CCDC102B: variants seen among roughly 807,000 people sequenced by gnomAD.
CCDC102B encodes the protein coiled-coil domain-containing protein 102B.
In CCDC102B, 75 loss-of-function variants were observed where a neutral mutation model predicts 57.4. That is an observed-to-expected ratio of 1.31 (90% CI 1.08 to 1.58). The LOEUF is 1.58. CCDC102B is among the 40% of genes most tolerant of loss of function. The pLI is 0.00. For missense variants in CCDC102B, 636 were observed against 582.6 expected (o/e 1.09, Z -0.94); for synonymous variants, 206 against 201.9 (o/e 1.02, Z -0.17).
At chr18:68,796,176 G>A (rs1220323217), upstream of CCDC102B, among the ~76,000 whole-genome samples, 2 of 152,168 alleles carry the variant, frequency 1.3e-5, no homozygotes, top group Non-Finnish European at 2.9e-5. Flanking sequence ...GAGAGACACT[G>A]CAGTGATCTA....
intron 1 of CCDC102B, among the ~76,000 whole-genome samples, chr18:68,815,443 C>T (rs2036435007): frequency 6.6e-6 from 1 of 152,068 alleles, no homozygotes. Context: ...TGAATGTCTT[C>T]CATGTCCTAG....
intron 5 of CCDC102B, among the ~76,000 whole-genome samples, chr18:68,892,745 A>G (rs1301116042): frequency 6.6e-6 from 1 of 152,234 alleles, no homozygotes; most frequent in East Asian, 1.9e-4. Flanking sequence ...CAAAACAGAC[A>G]TCTAAATAAG....
At position 68,874,208 on chromosome 18, in the gene CCDC102B, G is replaced by GTA. The variant is rs1284304675; in HGVS notation, c.937-460_937-459insAT. On this transcript the variant is annotated intron_variant, in intron 4 of 7. Coordinates refer to ENST00000360242, the MANE Select transcript of CCDC102B (RefSeq NM_024781.3). ...TGTGTGTGTGTGTGTGTGTGTGTGT[G>GTA]TGTGTATATATATATACTTTATTTC... Among the ~76,000 whole-genome samples, 38 of 104,558 alleles carry GTA rather than the reference G, an allele frequency of 3.6e-4. No homozygotes were observed. The East Asian group carries it at 4.1e-3, about 11-fold the overall frequency. The allele number at this position is 104,558 out of a possible 152,430, so 68.6% of individuals were successfully genotyped here.
intron 1 of CCDC102B, among the ~76,000 whole-genome samples, chr18:68,831,097 G>C (rs1300508587): frequency 6.6e-6 from 1 of 151,940 alleles, no homozygotes; most frequent in East Asian, 1.9e-4. Context: ...AAAGCTTATA[G>C]AAAACACAGC....
At chr18:68,785,537 G>A (rs1284655091) in intron 2 of CCDC102B, among the ~76,000 whole-genome samples, 1 of 151,366 alleles carries the variant, frequency 6.6e-6, no homozygotes, top group Admixed American at 6.6e-5. Flanking sequence ...GTGTGAGATG[G>A]TATCTCACTG....
At chr18:68,834,120 G>A (rs1036386462) in intron 1 of CCDC102B, among the ~76,000 whole-genome samples, 5 of 152,014 alleles carry the variant, frequency 3.3e-5, no homozygotes, top group Admixed American at 2.0e-4. Flanking sequence ...CCAAGTTCAA[G>A]GACTGACTGA....
intron 6 of CCDC102B, among the ~76,000 whole-genome samples, chr18:68,968,408 T>C (rs2050215145): frequency 6.6e-6 from 1 of 152,168 alleles, no homozygotes; most frequent in East Asian, 1.9e-4. Context: ...TAAGAAACAT[T>C]ACAAAGAAAT....
chr18:68,957,890 C>T (rs1242169539), intron 6 of CCDC102B, among the ~76,000 whole-genome samples: 1 of 151,982 alleles, frequency 6.6e-6, no homozygotes, highest in African/African-American at 2.4e-5. Context: ...TTACCTTCTA[C>T]ATTTCTTTTT....
intron 7 of CCDC102B, among the ~76,000 whole-genome samples, chr18:69,040,780 T>C (rs962897496): frequency 3.3e-5 from 5 of 152,082 alleles, no homozygotes; most frequent in African/African-American, 1.2e-4. Context: ...TTTTTTAAGA[T>C]TGGTTGCTAT....
intron 7 of CCDC102B, among the ~76,000 whole-genome samples, chr18:69,053,206 G>C (rs932615137): frequency 2.6e-5 from 4 of 151,764 alleles, no homozygotes; most frequent in Admixed American, 6.6e-5. Context: ...CATTACTGTA[G>C]ATGAGTCTTA....
At chr18:68,817,286 G>A (rs1485128867) in intron 1 of CCDC102B, among the ~76,000 whole-genome samples, 17 of 152,308 alleles carry the variant, frequency 1.1e-4, no homozygotes, top group Admixed American at 1.0e-3. Flanking sequence ...AACTCAGTGG[G>A]ACACTTGGGA....
intron 4 of CCDC102B, among the ~76,000 whole-genome samples, chr18:68,858,237 T>C (rs2038572823): frequency 6.6e-6 from 1 of 152,220 alleles, no homozygotes; most frequent in African/African-American, 2.4e-5. Context: ...ACTTTTTTCT[T>C]CTATCTTCTG....
At chr18:68,821,390 A>G (rs2036683878) in intron 1 of CCDC102B, among the ~76,000 whole-genome samples, 1 of 151,048 alleles carries the variant, frequency 6.6e-6, no homozygotes, top group Non-Finnish European at 1.5e-5. Context: ...TTATAAATAT[A>G]ATATCTTTAT....
At chr18:68,867,815 T>C (rs1271527191) in intron 4 of CCDC102B, among the ~76,000 whole-genome samples, 30 of 151,560 alleles carry the variant, frequency 2.0e-4, no homozygotes, top group Admixed American at 1.9e-3. Context: ...GCGCCTGTAG[T>C]CCCAGCTACT....
At chr18:68,890,558 A>C (rs1468682784) in intron 5 of CCDC102B, among the ~76,000 whole-genome samples, 1 of 152,214 alleles carries the variant, frequency 6.6e-6, no homozygotes, top group Admixed American at 6.5e-5. Context: ...CACAAAACGC[A>C]CAAGCAACTG....
intron 1 of CCDC102B, among the ~76,000 whole-genome samples, chr18:68,807,881 G>A (rs1389292857): frequency 6.6e-6 from 1 of 152,078 alleles, no homozygotes; most frequent in Non-Finnish European, 1.5e-5. Context: ...AAAAAAAGAT[G>A]ATTGCAGAGT....
chr18:68,842,647 T>A (rs1295323415), intron 3 of CCDC102B, among the ~76,000 whole-genome samples: 2 of 152,132 alleles, frequency 1.3e-5, no homozygotes, highest in Non-Finnish European at 2.9e-5. Context: ...GACAACTTGT[T>A]TCCAGAGGCA....
At chr18:68,819,984 T>C (rs2036631545) in intron 1 of CCDC102B, among the ~76,000 whole-genome samples, 1 of 152,118 alleles carries the variant, frequency 6.6e-6, no homozygotes, top group Non-Finnish European at 1.5e-5. Flanking sequence ...TGAATTATTT[T>C]GAATTTCTAC....
chr18:68,985,310 T>C (rs948498124), intron 6 of CCDC102B, among the ~76,000 whole-genome samples: 1 of 152,174 alleles, frequency 6.6e-6, no homozygotes, highest in Non-Finnish European at 1.5e-5. Flanking sequence ...ATTTTTGAAG[T>C]GCCATCCACA....
Sources: allele counts gnomAD v4.1 joint callset (sites outside exome capture counted in the v4.1 genomes callset), GRCh38; gene constraint gnomAD v4.1.1; transcripts MANE v1.5; gene names NCBI Gene and HGNC (gene_info 2026-07-23, HGNC 2026-07-21).